The following MACROD2 variants were observed in gnomAD, a reference collection of about 807,000 sequenced individuals.
MACROD2 encodes mono-ADP ribosylhydrolase 2, also known as ADP-ribose glycohydrolase MACROD2.
In MACROD2, 36 loss-of-function variants were observed where a neutral mutation model predicts 70.4. The ratio of observed to expected loss-of-function variants is 0.51; its 90% CI spans 0.39 to 0.68. MACROD2 has a LOEUF of 0.68. Among genes scored for constraint, MACROD2 ranks in the 30% least tolerant of loss-of-function variants. The pLI is 0.00. For synonymous variants in MACROD2, 172 were observed against 178.8 expected (o/e 0.96, Z 0.30); for missense variants, 496 against 538.4 (o/e 0.92, Z 0.78).
chr20:14,182,450 G>T (rs2081312362), intron 3 of MACROD2, among the ~76,000 whole-genome samples: 1 of 151,822 alleles, frequency 6.6e-6, no homozygotes, highest in Non-Finnish European at 1.5e-5. Context: ...TCTTGATAGT[G>T]TCCTTTGAAG....
At chr20:14,781,109 A>G (rs145576112) in intron 5 of MACROD2, among the ~76,000 whole-genome samples, 24 of 152,158 alleles carry the variant, frequency 1.6e-4, no homozygotes, top group Non-Finnish European at 2.5e-4. Context: ...ACTATTGACT[A>G]TAATCACTTT....
At chr20:15,584,648 C>T (rs80100415) in intron 8 of MACROD2, among the ~76,000 whole-genome samples, 2,204 of 152,328 alleles carry the variant, frequency 0.014, 62 homozygotes, top group African/African-American at 0.049. Flanking sequence ...ACATCAGACA[C>T]ACACGTTTCT....
intron 7 of MACROD2, among the ~76,000 whole-genome samples, chr20:15,490,580 A>G (rs2047219679): frequency 6.6e-6 from 1 of 152,054 alleles, no homozygotes; most frequent in African/African-American, 2.4e-5. Flanking sequence ...TTCAATATAA[A>G]TCCAAATTAA....
At chr20:14,879,296 T>C (rs1446997275) in intron 5 of MACROD2, among the ~76,000 whole-genome samples, 1 of 152,212 alleles carries the variant, frequency 6.6e-6, no homozygotes, top group East Asian at 1.9e-4. Flanking sequence ...TTAATGTATG[T>C]CATCTGTATA....
chr20:14,677,883 A>C (rs2070881302), intron 4 of MACROD2, among the ~76,000 whole-genome samples: 1 of 152,162 alleles, frequency 6.6e-6, no homozygotes, highest in Non-Finnish European at 1.5e-5. Context: ...CATTCATTCT[A>C]GTAATAAAAG....
At chr20:15,328,256 A>G (rs2077953545) in intron 6 of MACROD2, among the ~76,000 whole-genome samples, 1 of 152,022 alleles carries the variant, frequency 6.6e-6, no homozygotes, top group South Asian at 2.1e-4. Flanking sequence ...ACAAAGACTC[A>G]GGAAGGAGGC....
intron 8 of MACROD2, among the ~76,000 whole-genome samples, chr20:15,631,916 T>C (rs1369851028): frequency 6.6e-6 from 1 of 152,148 alleles, no homozygotes; most frequent in Non-Finnish European, 1.5e-5. Context: ...GGCAGGTGGA[T>C]TGCCTGAAGT....
intron 4 of MACROD2, among the ~76,000 whole-genome samples, chr20:14,630,291 C>T (rs1281644418): frequency 6.7e-6 from 1 of 149,904 alleles, no homozygotes. Flanking sequence ...CATAGGCAGC[C>T]AAGAATAAAA....
At chr20:16,009,653 A>C (rs780043206) in intron 15 of MACROD2, among the ~76,000 whole-genome samples, 18 of 152,102 alleles carry the variant, frequency 1.2e-4, no homozygotes, top group Non-Finnish European at 2.6e-4. Flanking sequence ...GCTACTCGAG[A>C]GGCTGAGGCA....
At chr20:14,541,392 G>A (rs557412543) in intron 4 of MACROD2, among the ~76,000 whole-genome samples, 24 of 152,092 alleles carry the variant, frequency 1.6e-4, no homozygotes, top group African/African-American at 5.3e-4. Flanking sequence ...CCATCTTGTC[G>A]GGGAAGTCTT....
chr20:14,110,694 A>G (rs762383121), intron 3 of MACROD2, among the ~76,000 whole-genome samples: 4 of 152,036 alleles, frequency 2.6e-5, no homozygotes, highest in African/African-American at 9.6e-5. Flanking sequence ...AATGAAAACT[A>G]TAAAACATTG....
At chr20:15,283,426 C>T (rs965587654) in intron 6 of MACROD2, among the ~76,000 whole-genome samples, 22 of 152,174 alleles carry the variant, frequency 1.4e-4, no homozygotes, top group African/African-American at 5.3e-4. Context: ...TAATCCCTGC[C>T]CTTTGGGAGG....
intron 3 of MACROD2, among the ~76,000 whole-genome samples, chr20:14,119,159 ATTTTT>A (rs1181793101): frequency 3.5e-5 from 2 of 56,738 alleles, no homozygotes; most frequent in Non-Finnish European, 5.9e-5. Context: ...AATGACTGTG[ATTTTT>A]TTTTTTTTTT....
chr20:15,616,801 C>T (rs1005479546), intron 8 of MACROD2, among the ~76,000 whole-genome samples: 1 of 152,184 alleles, frequency 6.6e-6, no homozygotes, highest in Non-Finnish European at 1.5e-5. Flanking sequence ...CACTGAAAAT[C>T]CTGAAATTCT....
chr20:14,164,386 G>A (rs944353524), intron 3 of MACROD2, among the ~76,000 whole-genome samples: 1 of 152,130 alleles, frequency 6.6e-6, no homozygotes, highest in Non-Finnish European at 1.5e-5. Flanking sequence ...GGTGTATGCT[G>A]GCACTGGCAG....
At chr20:14,227,203 G>T (rs73090723) in intron 3 of MACROD2, among the ~76,000 whole-genome samples, 5,354 of 152,198 alleles carry the variant, frequency 0.035, 119 homozygotes, top group Non-Finnish European at 0.052. Context: ...GCGCCCTGTG[G>T]AAGCAGACCA....
intron 5 of MACROD2, among the ~76,000 whole-genome samples, chr20:14,903,058 T>C (rs1451107864): frequency 2.8e-5 from 4 of 142,178 alleles, no homozygotes; most frequent in African/African-American, 1.0e-4. Flanking sequence ...TTTTTTTTTT[T>C]GAGACATAGT....
intron 2 of MACROD2, among the ~76,000 whole-genome samples, chr20:14,076,869 A>G (rs938687820): frequency 6.6e-6 from 1 of 152,248 alleles, no homozygotes; most frequent in Non-Finnish European, 1.5e-5. Flanking sequence ...ATTTAAGATT[A>G]TAAAAATTAT....
intron 2 of MACROD2, among the ~76,000 whole-genome samples, chr20:14,031,503 A>C (rs2053246215): frequency 6.6e-6 from 1 of 152,166 alleles, no homozygotes; most frequent in South Asian, 2.1e-4. Context: ...GGTTGTATTA[A>C]TTACAAATAC....
Sources: allele counts gnomAD v4.1 joint callset (sites outside exome capture counted in the v4.1 genomes callset), GRCh38; gene constraint gnomAD v4.1.1; transcripts MANE v1.5; gene names NCBI Gene and HGNC (gene_info 2026-07-23, HGNC 2026-07-21).